The following SAP30BP variants were observed in gnomAD, a reference collection of about 807,000 sequenced individuals.
The protein encoded by SAP30BP is SAP30 binding protein.
In SAP30BP, 31 loss-of-function variants were observed where a neutral mutation model predicts 46.3. The ratio of observed to expected loss-of-function variants is 0.67; its 90% CI spans 0.50 to 0.90. The LOEUF (loss-of-function observed/expected upper bound fraction) is 0.90, where lower values mean the gene tolerates loss of function less well. SAP30BP is among the 40% of genes least tolerant of loss of function. SAP30BP has a pLI of 0.00. For synonymous variants in SAP30BP, 169 were observed against 144.2 expected, an observed-to-expected ratio of 1.17 and a Z score of -1.23; for missense variants, 312 against 391.0, an observed-to-expected ratio of 0.80 and a Z score of 1.70.
chr17:75,695,035 C>G (rs2090175468), intron 4 of SAP30BP, among the ~76,000 whole-genome samples: 1 of 152,212 alleles, frequency 6.6e-6, no homozygotes. Flanking sequence ...CCGAAATGTT[C>G]CCTTGTGCCC....
At position 75,667,340 on chromosome 17, in the gene SAP30BP, A is replaced by T; in HGVS notation, c.-33A>T. The T allele has an allele frequency of 6.2e-7, 1 of 1,607,310 alleles. No homozygotes were observed. Among genetic ancestry groups the T allele is most frequent in the African/African-American group, 1.3e-5 (1 of 74,908 alleles). On this transcript the variant is annotated 5_prime_UTR_variant, in exon 1 of 11. Transcript: ENST00000584667. ...CCCGGAAGTCGGCGTCTTGAGTCAT[A>T]GGAGTGAGCCACGCCCGGGCTGTGG...
At chr17:75,688,638 TG>T (rs1409501328) in intron 3 of SAP30BP, among the ~76,000 whole-genome samples, 1 of 152,170 alleles carries the variant, frequency 6.6e-6, no homozygotes, top group African/African-American at 2.4e-5. Flanking sequence ...CATTGTTGGC[TG>T]TAAATAAACC....
chr17:75,703,048 T>G, intron 6 of SAP30BP: 1 of 510,428 alleles, frequency 2.0e-6, no homozygotes, highest in Non-Finnish European at 3.5e-6. Context: ...TGGGTCTGAG[T>G]GTGGTAAGCC....
At chr17:75,674,690 GTTTTTTGTTTTTTTT>G (rs2059959129) in intron 3 of SAP30BP, among the ~76,000 whole-genome samples, 1 of 39,578 alleles carries the variant, frequency 2.5e-5, no homozygotes, top group Non-Finnish European at 6.2e-5. Flanking sequence ...TTTTTTGTTT[GTTTTTTGTTTTTTTT>G]TTTTTTTTTT....
chr17:75,704,466 CAGT>C (rs1206635859), intron 8 of SAP30BP, among the ~76,000 whole-genome samples: 1 of 152,210 alleles, frequency 6.6e-6, no homozygotes, highest in East Asian at 1.9e-4. Flanking sequence ...TTCTCTCCAT[CAGT>C]AGGAGGGTAG....
At chr17:75,702,671 A>C (rs2060431584) in intron 6 of SAP30BP, 100 bp downstream of exon 6, 1 of 573,218 alleles carries the variant, frequency 1.7e-6, no homozygotes, top group South Asian at 2.5e-5. Context: ...CCAGAGCCCA[A>C]ACCATCACCC....
chr17:75,686,708 A>C (rs1167787559), intron 3 of SAP30BP, among the ~76,000 whole-genome samples: 5 of 152,262 alleles, frequency 3.3e-5, no homozygotes, highest in Middle Eastern at 3.4e-3. Context: ...GCAGTGGCTC[A>C]GTCCTGGCCG....
At position 75,703,376 on chromosome 17, in the gene SAP30BP, G is replaced by A. The variant is rs763389549; in HGVS notation, c.549+5G>A. ...CTTGGCACCAACTACCCAAAGGTGC[G>A]TCTGGCACACGGGGCTGGAGGGTGA... On this transcript the variant is annotated splice_donor_5th_base_variant and intron_variant, in intron 7 of 10. Transcript: ENST00000584667. The A allele has an allele frequency of 6.8e-6, 11 of 1,613,292 alleles. No homozygotes were observed. Among genetic ancestry groups the A allele is most frequent in the South Asian group, 3.3e-5 (3 of 91,034 alleles).
At chr17:75,675,363 A>G (rs184324011) in intron 3 of SAP30BP, among the ~76,000 whole-genome samples, 303 of 151,858 alleles carry the variant, frequency 2.0e-3, no homozygotes, top group African/African-American at 7.1e-3. Flanking sequence ...GTTGGCCAGG[A>G]TGGTCTTGAT....
chr17:75,667,964 G>A (rs1319208195), intron 1 of SAP30BP: 1 of 160,186 alleles, frequency 6.2e-6, no homozygotes, highest in Non-Finnish European at 1.4e-5. Context: ...TAGGATGTGG[G>A]CATTTGTGAA....
Position 75,704,798 on chromosome 17 carries a change from A to G in SAP30BP, c.644A>G (p.Lys215Arg). The G allele has an allele frequency of 6.2e-7, 1 of 1,613,680 alleles. No individual in the cohort carries two copies. Among genetic ancestry groups the G allele is most frequent in the East Asian group, 2.2e-5 (1 of 44,882 alleles). The change falls in exon 9 of 11, where the codon AAA (lysine) becomes AGA (arginine). Residue 215 changes from lysine to arginine, a missense_variant. Coordinates refer to ENST00000584667, the MANE Select transcript of SAP30BP (RefSeq NM_013260.8). ...GAGATGGACAAATTGGAAAAGGCCA[A>G]AAAGGAGCGAACAAAAGTAAGTGAT... ...KIEMDKLEKA[K>R]KERTKIEFVT...
At chr17:75,672,728 G>A (rs931553359) in intron 3 of SAP30BP, among the ~76,000 whole-genome samples, 39 of 152,234 alleles carry the variant, frequency 2.6e-4, no homozygotes, top group Admixed American at 1.7e-3. Context: ...AGGCTGAGGC[G>A]GGAGGATCAC....
intron 3 of SAP30BP, among the ~76,000 whole-genome samples, chr17:75,688,528 G>A (rs1268289151): frequency 1.3e-5 from 2 of 152,002 alleles, no homozygotes; most frequent in African/African-American, 4.8e-5. Flanking sequence ...AAAACATGAC[G>A]TTTAGATTTG....
At chr17:75,687,983 G>T (rs2060186917) in intron 3 of SAP30BP, among the ~76,000 whole-genome samples, 1 of 150,482 alleles carries the variant, frequency 6.6e-6, no homozygotes, top group Non-Finnish European at 1.5e-5. Context: ...GTCAGTGCTT[G>T]AGCACCTTCT....
At chr17:75,695,813 C>G (rs755033472) in intron 4 of SAP30BP, among the ~76,000 whole-genome samples, 14 of 152,138 alleles carry the variant, frequency 9.2e-5, no homozygotes, top group Non-Finnish European at 1.8e-4. Flanking sequence ...CACTGCAGCC[C>G]CTTGACAGAG....
Position 75,699,868 on chromosome 17 carries a change from G to C in SAP30BP, c.393G>C (p.Leu131Phe). 1 of 1,610,412 alleles carries C rather than the reference G, an allele frequency of 6.2e-7. No homozygotes were observed. Among genetic ancestry groups the C allele is most frequent in the Non-Finnish European group, 8.5e-7 (1 of 1,176,822 alleles). Residue 131 changes from leucine (L) to phenylalanine (F), a missense_variant, in exon 5 of 11, where the codon TTG (leucine) becomes TTC (phenylalanine). Leu to Phe is a conservative substitution (Grantham distance 22). Around this residue, in one of 2 missense-constraint regions of SAP30BP, gnomAD observed 296 missense variants for 346.6 expected, o/e 0.85. Coordinates refer to ENST00000584667, the MANE Select transcript of SAP30BP (RefSeq NM_013260.8). ...PEPPGRCSNH[L>F]QDKIQKLYER... is the part of the protein sequence containing the mutation. ...CCCCTGGCAGATGTTCAAATCACTTGCAAGTAAGCATGAGACTCGGCTACT... is the reference window on the plus strand; with the variant it reads ...CCCCTGGCAGATGTTCAAATCACTTCCAAGTAAGCATGAGACTCGGCTACT...
intron 9 of SAP30BP, 124 bp from the exon 10 acceptor site, chr17:75,705,884 G>C: frequency 2.2e-6 from 3 of 1,391,868 alleles, no homozygotes; most frequent in Non-Finnish European, 2.0e-6. Context: ...GGGCAGAGCA[G>C]AGTTCATTTC....
chr17:75,704,772 T>G lies in SAP30BP; in HGVS notation c.618T>G (p.Ile206Met), dbSNP rs2060469408. Residue 206 changes from isoleucine to methionine, a missense_variant, in exon 9 of 11, where the codon ATT becomes ATG. Coordinates refer to ENST00000584667, the MANE Select transcript of SAP30BP (RefSeq NM_013260.8). ...YYEALAKAQK[I>M]EMDKLEKAKK... Reference sequence around the variant, plus strand: ...TCTTCATAGCCAAGGCCCAGAAAATTGAGATGGACAAATTGGAAAAGGCCA... The same window carrying G: ...TCTTCATAGCCAAGGCCCAGAAAATGGAGATGGACAAATTGGAAAAGGCCA... 3 of 1,613,488 alleles carry G rather than the reference T, an allele frequency of 1.9e-6. No individual in the cohort carries two copies. Among genetic ancestry groups the G allele is most frequent in the Non-Finnish European group, 2.5e-6 (3 of 1,179,856 alleles).
chr17:75,700,435 T>C (rs1446260813), intron 5 of SAP30BP, among the ~76,000 whole-genome samples: 5 of 152,168 alleles, frequency 3.3e-5, no homozygotes, highest in African/African-American at 1.2e-4. Context: ...AGCCCGTGGC[T>C]CTCCTTGTCC....
Sources: gnomAD v4.1 joint callset for allele counts (sites outside exome capture counted in the v4.1 genomes callset) on GRCh38, gnomAD v4.1.1 for gene constraint, gnomAD v4.1.1 regional missense constraint, MANE v1.5 for transcripts, NCBI Gene and HGNC (gene_info 2026-07-23, HGNC 2026-07-21) for gene names.